UBAC2: variants seen among roughly 807,000 people sequenced by gnomAD.
The protein encoded by UBAC2 is ubiquitin-associated domain-containing protein 2.
In UBAC2, 26 loss-of-function variants were observed where a neutral mutation model predicts 44.0. The ratio of observed to expected loss-of-function variants is 0.59; its 90% CI spans 0.43 to 0.82. The LOEUF (loss-of-function observed/expected upper bound fraction) is 0.82. Among genes scored for constraint, UBAC2 ranks in the 40% least tolerant of loss-of-function variants. The probability of loss-of-function intolerance (pLI) is 0.00; values close to 1 mark genes in which losing one functional copy is unlikely to be tolerated. For missense variants in UBAC2, 329 were observed against 419.4 expected (o/e 0.78, Z 1.88); for synonymous variants, 155 against 154.3 (o/e 1.00, Z -0.04).
chr13:99,283,897 G>A (rs1318691879), intron 4 of UBAC2, among the ~76,000 whole-genome samples: 1 of 151,922 alleles, frequency 6.6e-6, no homozygotes. Context: ...ACCACGCCCA[G>A]CTAATTTTTG....
intron 4 of UBAC2, among the ~76,000 whole-genome samples, chr13:99,310,641 G>C (rs1011097310): frequency 2.0e-5 from 3 of 152,182 alleles, no homozygotes; most frequent in Admixed American, 6.5e-5. Context: ...GTGTGGCCTA[G>C]TATTTAGTCA....
chr13:99,338,050 T>TTTC (rs1295770627), intron 6 of UBAC2, among the ~76,000 whole-genome samples: 54 of 56,440 alleles, frequency 9.6e-4, no homozygotes, highest in Non-Finnish European at 8.7e-4. Flanking sequence ...TTTTTTTCTT[T>TTTC]TTTTTTTTTT....
At chr13:99,379,283 G>T (rs998640548) in intron 8 of UBAC2, among the ~76,000 whole-genome samples, 14 of 152,194 alleles carry the variant, frequency 9.2e-5, no homozygotes, top group African/African-American at 3.4e-4. Flanking sequence ...CTCATTAGCT[G>T]TAGTTGTGTC....
Position 99,305,497 on chromosome 13 carries a change from A to G in UBAC2, c.390-8600A>G, listed in dbSNP as rs369256359. ...TCTTTTAAATGTAAGCTTCTTGAGG[A>G]TGATGACTTGATCTCATCCAACATT... is the stretch of plus-strand genomic sequence containing the variant. On this transcript the variant is annotated intron_variant, in intron 4 of 8. Coordinates refer to ENST00000403766, the MANE Select transcript of UBAC2 (RefSeq NM_001144072.2). 1.3e-4 allele frequency among the ~76,000 whole-genome samples: 20 copies of G among 152,364 alleles called. No homozygotes were observed. In the East Asian group the frequency reaches 1.7e-3, roughly 13 times the overall value.
chr13:99,258,390 G>C (rs2043605922), intron 4 of UBAC2: 1 of 152,192 alleles, frequency 6.6e-6, no homozygotes, highest in Non-Finnish European at 1.5e-5. Context: ...TCTCTTTCAG[G>C]AAGTGCTCTC....
intron 4 of UBAC2, chr13:99,255,944 T>C (rs2043547881): frequency 1.4e-6 from 2 of 1,406,796 alleles, no homozygotes; most frequent in Admixed American, 5.0e-5. Flanking sequence ...ATAAAATCGT[T>C]GGTTAAAAAA....
At chr13:99,321,899 C>T (rs2044573462) in intron 6 of UBAC2, among the ~76,000 whole-genome samples, 2 of 152,150 alleles carry the variant, frequency 1.3e-5, no homozygotes, top group Non-Finnish European at 2.9e-5. Flanking sequence ...AGTAGAGACT[C>T]CAGCTGCTGC....
At chr13:99,234,742 G>C (rs1282547491) in intron 1 of UBAC2, among the ~76,000 whole-genome samples, 1 of 152,180 alleles carries the variant, frequency 6.6e-6, no homozygotes, top group Admixed American at 6.5e-5. Context: ...ATCTATGAGA[G>C]AGGAAGGCAT....
chr13:99,255,433 A>C, intron 4 of UBAC2: 1 of 1,614,100 alleles, frequency 6.2e-7, no homozygotes, highest in South Asian at 1.1e-5. Flanking sequence ...CAGGGTCATT[A>C]TCCAGACTCC....
At chr13:99,376,527 G>T (rs1367970007) in intron 8 of UBAC2, among the ~76,000 whole-genome samples, 3 of 152,232 alleles carry the variant, frequency 2.0e-5, no homozygotes, top group Non-Finnish European at 1.5e-5. Context: ...CTGCACCTTG[G>T]TGTCCTCTGA....
At chr13:99,283,804 G>A (rs994666499) in intron 4 of UBAC2, among the ~76,000 whole-genome samples, 4 of 128,542 alleles carry the variant, frequency 3.1e-5, no homozygotes, top group African/African-American at 1.2e-4. Flanking sequence ...GTGCTATCTC[G>A]GCTCACTGCA....
intron 4 of UBAC2, among the ~76,000 whole-genome samples, chr13:99,279,612 G>T (rs1245627012): frequency 6.6e-6 from 1 of 152,198 alleles, no homozygotes; most frequent in African/African-American, 2.4e-5. Context: ...CACTGCCTTA[G>T]CCTGTTCAGG....
intron 1 of UBAC2, chr13:99,201,262 C>T (rs1446551157): frequency 7.6e-6 from 11 of 1,446,056 alleles, no homozygotes; most frequent in Non-Finnish European, 1.0e-5. Context: ...GCCCCAGGCC[C>T]TTTGCGGAGC....
At chr13:99,351,343 C>T (rs1295804679) in intron 7 of UBAC2, 1 of 347,350 alleles carries the variant, frequency 2.9e-6, no homozygotes, top group East Asian at 7.5e-5. Flanking sequence ...GCCTGTGGGC[C>T]AAACTACCTG....
intron 6 of UBAC2, among the ~76,000 whole-genome samples, chr13:99,333,028 A>G (rs1389488394): frequency 2.6e-5 from 4 of 152,236 alleles, no homozygotes; most frequent in African/African-American, 9.6e-5. Flanking sequence ...TGGGGAGGCC[A>G]AGATGGGAAG....
At chr13:99,223,220 T>G (rs186041289) in intron 1 of UBAC2, among the ~76,000 whole-genome samples, 194 of 152,344 alleles carry the variant, frequency 1.3e-3, no homozygotes, top group African/African-American at 4.4e-3. Flanking sequence ...ACTTACTGTT[T>G]TAACTATTTT....
At chr13:99,382,337 T>A (rs1977252) in intron 8 of UBAC2, among the ~76,000 whole-genome samples, 1 of 152,182 alleles carries the variant, frequency 6.6e-6, no homozygotes. Flanking sequence ...AGACCTGACT[T>A]GACAGCATTT....
At chr13:99,368,681 AT>A (rs1221581209) in intron 8 of UBAC2, among the ~76,000 whole-genome samples, 2 of 109,416 alleles carry the variant, frequency 1.8e-5, no homozygotes, top group Non-Finnish European at 4.0e-5. Flanking sequence ...TCGTAAACTC[AT>A]GAGAGAGTGT....
At chr13:99,262,298 G>A (rs545096608) in intron 4 of UBAC2, among the ~76,000 whole-genome samples, 1 of 152,180 alleles carries the variant, frequency 6.6e-6, no homozygotes, top group Non-Finnish European at 1.5e-5. Context: ...ATAGGGTTTG[G>A]TACTATCTGC....
Sources: allele counts gnomAD v4.1 joint callset (sites outside exome capture counted in the v4.1 genomes callset), GRCh38; gene constraint gnomAD v4.1.1; transcripts MANE v1.5; gene names NCBI Gene and HGNC (gene_info 2026-07-23, HGNC 2026-07-21).